The following CELF4 variants were observed in gnomAD, a reference collection of about 807,000 sequenced individuals.
CELF4 encodes the protein CUG-BP- and ETR-3-like factor 4.
CELF4 carries 18 observed loss-of-function variants against 59.9 expected under a neutral mutation model. The ratio of observed to expected loss-of-function variants is 0.30; its 90% CI spans 0.21 to 0.45. CELF4 has a LOEUF of 0.45. Ranked by LOEUF, CELF4 falls within the 20% of genes least tolerant of loss-of-function variation. CELF4 has a pLI of 1.00. For synonymous variants in CELF4, 261 were observed against 267.1 expected, an observed-to-expected ratio of 0.98 and a Z score of 0.22; for missense variants, 456 against 689.0, an observed-to-expected ratio of 0.66 and a Z score of 3.79.
intron 1 of CELF4, among the ~76,000 whole-genome samples, chr18:37,523,552 C>T (rs973275046): frequency 6.6e-6 from 1 of 152,138 alleles, no homozygotes; most frequent in South Asian, 2.1e-4. Flanking sequence ...GGAGAACAGG[C>T]GGCAAAACTC....
At chr18:37,477,867 G>A (rs909441081) in intron 2 of CELF4, among the ~76,000 whole-genome samples, 7 of 152,148 alleles carry the variant, frequency 4.6e-5, no homozygotes, top group South Asian at 4.1e-4. Flanking sequence ...GATGGCAGCC[G>A]TGATCCAAGC....
At chr18:37,439,518 C>G (rs984026182) in intron 2 of CELF4, among the ~76,000 whole-genome samples, 1 of 152,150 alleles carries the variant, frequency 6.6e-6, no homozygotes, top group Non-Finnish European at 1.5e-5. Context: ...TCCAAATGAC[C>G]TTATTTCCTC....
In CELF4 at chr18:37,253,737, C is replaced by T. The variant is rs2067067789; in HGVS notation, c.*44+30G>A. The T allele has an allele frequency of 3.3e-6, 5 of 1,515,404 alleles. No individual in the cohort carries two copies. Among genetic ancestry groups the T allele is most frequent in the Non-Finnish European group, 4.4e-6 (5 of 1,123,962 alleles). 93.9% of individuals were successfully genotyped at this position (1,515,404 alleles called of 1,614,324 possible). ...GTCCGTCTGGTTCCCTCCCAACCCC[C>T]GTCCCCGCGCCCCGGCCGCCCCCGG... On this transcript the variant is annotated intron_variant, in intron 12 of 12. Transcript: ENST00000420428. The surrounding 1 kb of genome is among the most constrained non-coding windows in gnomAD (Gnocchi z 4.5).
chr18:37,401,600 G>A (rs188677046), intron 2 of CELF4, among the ~76,000 whole-genome samples: 1 of 152,282 alleles, frequency 6.6e-6, no homozygotes, highest in African/African-American at 2.4e-5. Flanking sequence ...GAAACATCCA[G>A]GAGCTTGCCT....
chr18:37,255,124 G>A (rs2068395181), intron 11 of CELF4, among the ~76,000 whole-genome samples: 1 of 152,114 alleles, frequency 6.6e-6, no homozygotes, highest in Non-Finnish European at 1.5e-5. Context: ...ATATATGAAA[G>A]CTTGGCGAGA....
At chr18:37,468,650 T>C (rs1450191124) in intron 2 of CELF4, among the ~76,000 whole-genome samples, 2 of 152,186 alleles carry the variant, frequency 1.3e-5, no homozygotes, top group Non-Finnish European at 2.9e-5. Context: ...GACTGGGTAA[T>C]TTATCAAGAA....
intron 2 of CELF4, among the ~76,000 whole-genome samples, chr18:37,451,767 C>A (rs2099764771): frequency 6.6e-6 from 1 of 152,204 alleles, no homozygotes; most frequent in African/African-American, 2.4e-5. Context: ...GCCCAAGAAG[C>A]CCCGCTGCTG....
At chr18:37,367,233 A>T (rs1464825825) in intron 2 of CELF4, among the ~76,000 whole-genome samples, 8 of 151,892 alleles carry the variant, frequency 5.3e-5, no homozygotes, top group African/African-American at 1.9e-4. Context: ...AGGTGTGACG[A>T]GAGAGTTGGA....
Position 37,396,260 on chromosome 18 carries a change from C to A in CELF4, c.370-74379G>T, listed in dbSNP as rs368079484. Among the ~76,000 whole-genome samples the A allele has an allele frequency of 3.0e-4, 45 of 152,318 alleles. 2 individuals are homozygous for A. The highest frequency in any genetic ancestry group is 1.1e-3 in the African/African-American group (44 of 41,576). On this transcript the variant is annotated intron_variant, in intron 2 of 12. Transcript: ENST00000420428. ...TGCCTGCCTTGCCAACAGCCACACG[C>A]CACTGTGGCCCCTGGCCTCAGTGCT...
chr18:37,291,680 C>T (rs930025678), intron 3 of CELF4, among the ~76,000 whole-genome samples: 1 of 152,210 alleles, frequency 6.6e-6, no homozygotes, highest in African/African-American at 2.4e-5. Flanking sequence ...ATCCTTTCAG[C>T]AGCTGCTCAC....
At position 37,368,059 on chromosome 18, in the gene CELF4, C is replaced by T. The variant is rs531053709; in HGVS notation, c.370-46178G>A. Among the ~76,000 whole-genome samples, 6 of 152,192 alleles carry T rather than the reference C, an allele frequency of 3.9e-5. No homozygotes were observed. The South Asian group carries it at 8.3e-4, about 21-fold the overall frequency. ...GGTATAAAGAGCCAGGTTCCAGCAC[C>T]GACCTGAACACAGCCTGTGGGTCAT... On this transcript the variant is annotated intron_variant, in intron 2 of 12. Transcript: ENST00000420428.
At chr18:37,270,599 C>T (rs753245969) in intron 8 of CELF4, among the ~76,000 whole-genome samples, 169 bp downstream of exon 8, 1 of 152,196 alleles carries the variant, frequency 6.6e-6, no homozygotes, top group Non-Finnish European at 1.5e-5. Flanking sequence ...TTTTCCATCA[C>T]GGGCTCCCTG....
At chr18:37,490,228 G>T (rs1254037021) in intron 1 of CELF4, among the ~76,000 whole-genome samples, 1 of 152,118 alleles carries the variant, frequency 6.6e-6, no homozygotes, top group Non-Finnish European at 1.5e-5. Context: ...ACATGTGAAA[G>T]ACAAAGTCTG....
At position 37,275,161 on chromosome 18, in the gene CELF4, G is replaced by A; in HGVS notation, c.531C>T (p.Asn177=). The A allele has an allele frequency of 1.9e-6, 3 of 1,613,606 alleles. No individual in the cohort carries two copies. In the South Asian group the frequency reaches 3.3e-5, roughly 18 times the overall value. The change falls in exon 4 of 13, where the codon AAC becomes AAT. Residue 177 remains asparagine (N), a synonymous_variant. Coordinates refer to ENST00000420428, the MANE Select transcript of CELF4 (RefSeq NM_020180.4). ...CGCGCAGGATGGTGCACTCCTCGAT[G>A]TTCCCAAAGGCCTCGAAAAGGCGGC... ...DVRRLFEAFG[N]IEECTILRGP... is the part of the protein sequence containing the mutation.
rs1372063788 is a variant in CELF4, at chr18:37,254,248, C to A, written c.1334-310G>T. ...GGCGCTGGGAGAGGCGCCCGCCCCC[C>A]ACCCCCGCCGGCCCCGGCACCTCAG... On this transcript the variant is annotated intron_variant, in intron 11 of 12. Transcript: ENST00000420428. The surrounding 1 kb of genome is among the most constrained non-coding windows in gnomAD (Gnocchi z 5.1). Among the ~76,000 whole-genome samples, 2 of 151,594 alleles carry A rather than the reference C, an allele frequency of 1.3e-5. No individual in the cohort carries two copies. Among genetic ancestry groups the A allele is most frequent in the Non-Finnish European group, 3.0e-5 (2 of 67,696 alleles).
At chr18:37,455,595 C>T (rs1389885400) in intron 2 of CELF4, among the ~76,000 whole-genome samples, 3 of 152,164 alleles carry the variant, frequency 2.0e-5, no homozygotes, top group Admixed American at 1.3e-4. Flanking sequence ...CTGCCCCAGC[C>T]CTGTGACATC....
intron 2 of CELF4, among the ~76,000 whole-genome samples, chr18:37,441,357 G>GT (rs1052409062): frequency 6.6e-6 from 1 of 152,020 alleles, no homozygotes; most frequent in Non-Finnish European, 1.5e-5. Flanking sequence ...TGTGGGGGCT[G>GT]TAAGTGCATT....
At chr18:37,318,587 T>C (rs2096954084) in intron 3 of CELF4, among the ~76,000 whole-genome samples, 1 of 150,164 alleles carries the variant, frequency 6.7e-6, no homozygotes, top group Non-Finnish European at 1.5e-5. Context: ...ATATTGAATA[T>C]GCAATTAATA....
In CELF4 at chr18:37,351,816, C is replaced by G. The variant is rs2098448258; in HGVS notation, c.370-29935G>C. On this transcript the variant is annotated intron_variant, in intron 2 of 12. Transcript: ENST00000420428. ...TTTAGTAGAGACAGGATTTTGCCAT[C>G]TTAGCGAGGCTGGTCTCATACTCCT... is the stretch of plus-strand genomic sequence containing the variant. Among the ~76,000 whole-genome samples the G allele has an allele frequency of 2.0e-5, 3 of 152,104 alleles. No homozygotes were observed. In the South Asian group the frequency reaches 6.2e-4, roughly 32 times the overall value.
Sources: gnomAD v4.1 joint callset for allele counts (sites outside exome capture counted in the v4.1 genomes callset) on GRCh38, gnomAD v4.1.1 for gene constraint, Gnocchi (gnomAD v3.1) non-coding constraint, MANE v1.5 for transcripts, NCBI Gene and HGNC (gene_info 2026-07-23, HGNC 2026-07-21) for gene names.